Variants in ABCA13 observed in about 807,000 individuals in gnomAD.
ABCA13 encodes ATP-binding cassette sub-family A member 13.
ABCA13 carries 476 observed loss-of-function variants against 478.7 expected under a neutral mutation model. The ratio of observed to expected loss-of-function variants is 0.99; its 90% CI spans 0.92 to 1.07. The LOEUF (loss-of-function observed/expected upper bound fraction) is 1.07. Ranked by LOEUF, ABCA13 falls within the 50% of genes least tolerant of loss-of-function variation. The pLI, the probability that ABCA13 is intolerant of heterozygous loss-of-function variation, is 0.00. For synonymous variants in ABCA13, 2,252 were observed against 2,158.9 expected (o/e 1.04, Z -1.20); for missense variants, 6,060 against 5,910.6 (o/e 1.03, Z -0.83).
At chr7:48,597,898 TAC>T (rs1790461591) in intron 58 of ABCA13, among the ~76,000 whole-genome samples, 1 of 152,210 alleles carries the variant, frequency 6.6e-6, no homozygotes, top group South Asian at 2.1e-4. Flanking sequence ...ATTATCAGCA[TAC>T]ATTACCAGAG....
intron 26 of ABCA13, among the ~76,000 whole-genome samples, chr7:48,315,685 A>G (rs911132489): frequency 2.0e-5 from 3 of 151,988 alleles, no homozygotes; most frequent in African/African-American, 7.2e-5. Flanking sequence ...TCACCGTGTT[A>G]TCCAGGATGG....
Position 48,511,035 on chromosome 7 carries a change from A to T in ABCA13, c.13525-49A>T, listed in dbSNP as rs369236820. On this transcript the variant is annotated intron_variant, in intron 50 of 61. Coordinates refer to ENST00000435803, the MANE Select transcript of ABCA13 (RefSeq NM_152701.5). ...TCAGGATAAGTAGATGATAATAAAT[A>T]TGACCATCTGATGTAACAGCTCTCC... 2.8e-6 allele frequency: 4 copies of T among 1,415,790 alleles called. No homozygotes were observed. The African/African-American group carries it at 5.7e-5, about 20-fold the overall frequency. 87.7% of individuals were successfully genotyped at this position (1,415,790 alleles called of 1,614,324 possible).
chr7:48,551,859 A>AT (rs1432400308), intron 55 of ABCA13, among the ~76,000 whole-genome samples: 2 of 151,646 alleles, frequency 1.3e-5, no homozygotes, highest in East Asian at 3.9e-4. Context: ...AAGGTCACAC[A>AT]TTTTCTCACC....
chr7:48,496,521 G>T (rs117155484), intron 48 of ABCA13, among the ~76,000 whole-genome samples: 2 of 152,042 alleles, frequency 1.3e-5, no homozygotes, highest in African/African-American at 2.4e-5. Flanking sequence ...TATTTTTAAC[G>T]TATCTTGATG....
chr7:48,234,292 G>A (rs369105204), intron 8 of ABCA13, 141 bp downstream of exon 8: 9 of 1,066,600 alleles, frequency 8.4e-6, no homozygotes, highest in South Asian at 2.5e-5. Context: ...AGCTCCTTAC[G>A]CAGAAGAGAC....
At chr7:48,476,080 T>A (rs1168083774) in intron 45 of ABCA13, among the ~76,000 whole-genome samples, 2 of 152,192 alleles carry the variant, frequency 1.3e-5, no homozygotes, top group East Asian at 1.9e-4. Flanking sequence ...TAAGAAAACA[T>A]GAGTTTATTC....
intron 59 of ABCA13, among the ~76,000 whole-genome samples, chr7:48,625,284 T>C (rs1412035379): frequency 2.0e-5 from 3 of 152,212 alleles, no homozygotes; most frequent in Admixed American, 6.5e-5. Flanking sequence ...CATCACCACA[T>C]AATGAAGTGG....
chr7:48,463,592 C>T (rs1826512637), intron 43 of ABCA13, among the ~76,000 whole-genome samples: 1 of 152,124 alleles, frequency 6.6e-6, no homozygotes, highest in African/African-American at 2.4e-5. Flanking sequence ...GTGGCCTGGC[C>T]TGTAGAGATG....
chr7:48,459,005 T>C (rs1438583819), intron 43 of ABCA13, among the ~76,000 whole-genome samples: 1 of 152,186 alleles, frequency 6.6e-6, no homozygotes, highest in Non-Finnish European at 1.5e-5. Flanking sequence ...TGACCCAGGC[T>C]TCTGACTCAG....
intron 10 of ABCA13, 129 bp from the exon 11 acceptor site, chr7:48,244,447 T>C: frequency 8.8e-7 from 1 of 1,142,232 alleles, no homozygotes; most frequent in East Asian, 2.6e-5. Flanking sequence ...TGATGAAGTG[T>C]GACTTTCAGT....
intron 19 of ABCA13, 127 bp downstream of exon 19, chr7:48,281,579 C>G: frequency 1.2e-6 from 1 of 834,984 alleles, no homozygotes; most frequent in Non-Finnish European, 1.8e-6. Flanking sequence ...CTTAGTCTGG[C>G]AACCAGGCCT....
At chr7:48,310,196 C>T (rs1311415119) in intron 24 of ABCA13, 55 bp downstream of exon 24, 2 of 1,549,876 alleles carry the variant, frequency 1.3e-6, no homozygotes, top group East Asian at 2.2e-5. Context: ...GCTGTGGTGG[C>T]TGCAGATAAG....
chr7:48,408,186 G>T (rs1373009975), intron 39 of ABCA13, among the ~76,000 whole-genome samples: 1 of 152,124 alleles, frequency 6.6e-6, no homozygotes, highest in Non-Finnish European at 1.5e-5. Context: ...TGTTCATCTT[G>T]TGTCACTGAA....
intron 50 of ABCA13, 135 bp downstream of exon 50, chr7:48,508,184 G>C: frequency 9.6e-7 from 1 of 1,041,712 alleles, no homozygotes; most frequent in Non-Finnish European, 1.4e-6. Context: ...TTATTGATAA[G>C]AGCATTTCAG....
At chr7:48,622,410 G>A (rs377319856) in intron 59 of ABCA13, among the ~76,000 whole-genome samples, 2 of 151,988 alleles carry the variant, frequency 1.3e-5, no homozygotes, top group African/African-American at 4.8e-5. Context: ...CTCCCTTTGG[G>A]CTCAATAAAC....
At chr7:48,527,166 G>A (rs1210221394) in intron 54 of ABCA13, among the ~76,000 whole-genome samples, 1 of 152,130 alleles carries the variant, frequency 6.6e-6, no homozygotes, top group Non-Finnish European at 1.5e-5. Flanking sequence ...GGTAGAATTT[G>A]GATAGGCTGA....
At chr7:48,269,510 G>A (rs62449192) in intron 16 of ABCA13, among the ~76,000 whole-genome samples, 21,424 of 152,068 alleles carry the variant, frequency 0.14, 1,565 homozygotes, top group Middle Eastern at 0.19. Flanking sequence ...TAAATTTGTC[G>A]GACTATTTTC....
chr7:48,578,046 C>T (rs1315021476), intron 55 of ABCA13, among the ~76,000 whole-genome samples: 1 of 152,100 alleles, frequency 6.6e-6, no homozygotes, highest in Non-Finnish European at 1.5e-5. Context: ...TACTAACTCT[C>T]AGCAAACTAG....
At chr7:48,293,906 G>A (rs548040661) in intron 20 of ABCA13, among the ~76,000 whole-genome samples, 55 of 152,230 alleles carry the variant, frequency 3.6e-4, no homozygotes, top group African/African-American at 1.3e-3. Flanking sequence ...AGTCTTAGGA[G>A]CCTCTCCACC....
Sources: gnomAD v4.1 joint callset for allele counts (sites outside exome capture counted in the v4.1 genomes callset) on GRCh38, gnomAD v4.1.1 for gene constraint, MANE v1.5 for transcripts, NCBI Gene and HGNC (gene_info 2026-07-23, HGNC 2026-07-21) for gene names.